The following RARB variants were observed in gnomAD, a reference collection of about 807,000 sequenced individuals.
The protein encoded by RARB is retinoic acid receptor beta, also known as HBV-activated protein.
Under a neutral mutation model 51.9 loss-of-function variants are expected in RARB, and 17 were observed. The ratio of observed to expected loss-of-function variants is 0.33; its 90% CI spans 0.22 to 0.49. RARB has a LOEUF of 0.49. Among genes scored for constraint, RARB ranks in the 20% least tolerant of loss-of-function variants. The pLI, the probability that RARB is intolerant of heterozygous loss-of-function variation, is 0.99. For synonymous variants in RARB, 215 were observed against 195.4 expected (o/e 1.10, Z -0.84); for missense variants, 369 against 550.8 (o/e 0.67, Z 3.30).
intron 4 of RARB, among the ~76,000 whole-genome samples, chr3:25,571,472 C>G (rs1345814520): frequency 1.3e-5 from 2 of 152,262 alleles, no homozygotes; most frequent in African/African-American, 2.4e-5. Context: ...AGGAGAAACA[C>G]TGGCATGTCT....
Position 25,501,097 on chromosome 3 carries a change from A to G in RARB, c.307-85A>G, listed in dbSNP as rs7623934. The G allele has an allele frequency of 6.5e-3, 9,464 of 1,450,442 alleles. 499 individuals carry two copies. In the African/African-American group the frequency reaches 0.12, roughly 18 times the overall value. 89.8% of individuals were successfully genotyped at this position (1,450,442 alleles called of 1,614,324 possible). ...ATCACTTCGTTACTCAAAAAGAGCAATTAATGCATTGATAAGGTTGGCTTT... is the reference window on the plus strand; with the variant it reads ...ATCACTTCGTTACTCAAAAAGAGCAGTTAATGCATTGATAAGGTTGGCTTT... On this transcript the variant is annotated intron_variant, in intron 2 of 7. Coordinates refer to ENST00000330688, the MANE Select transcript of RARB (RefSeq NM_000965.5).
chr3:25,166,132 C>A (rs1381674215), intron 4 of RARB, among the ~76,000 whole-genome samples: 1 of 152,014 alleles, frequency 6.6e-6, no homozygotes, highest in Non-Finnish European at 1.5e-5. Flanking sequence ...CCTTTATTCC[C>A]AAATTAAAAG....
At chr3:25,544,983 A>G (rs983711753) in intron 3 of RARB, among the ~76,000 whole-genome samples, 6 of 151,574 alleles carry the variant, frequency 4.0e-5, no homozygotes, top group African/African-American at 1.5e-4. Context: ...TTTTCTTGAG[A>G]CGGAGTCTCG....
At chr3:25,118,213 G>C (rs1363019016) in intron 3 of RARB, among the ~76,000 whole-genome samples, 2 of 152,230 alleles carry the variant, frequency 1.3e-5, no homozygotes, top group East Asian at 3.9e-4. Context: ...ACCCTCATCA[G>C]CTCTTTCCTA....
At chr3:24,985,750 C>T (rs989574074) in intron 2 of RARB, among the ~76,000 whole-genome samples, 1 of 152,198 alleles carries the variant, frequency 6.6e-6, no homozygotes, top group Non-Finnish European at 1.5e-5. Context: ...CAGTCCCACT[C>T]TTTTGTACTT....
intron 2 of RARB, among the ~76,000 whole-genome samples, chr3:24,957,934 A>G (rs1047489141): frequency 6.6e-6 from 1 of 152,248 alleles, no homozygotes; most frequent in African/African-American, 2.4e-5. Flanking sequence ...ATAGTAAAAT[A>G]CAACCAACAG....
chr3:25,337,269 T>G (rs935944751), intron 5 of RARB, among the ~76,000 whole-genome samples: 3 of 152,164 alleles, frequency 2.0e-5, no homozygotes, highest in African/African-American at 7.2e-5. Context: ...GGCAAAATAT[T>G]CCATGGATCA....
intron 5 of RARB, among the ~76,000 whole-genome samples, chr3:25,272,186 G>T (rs1404967842): frequency 6.6e-6 from 1 of 152,184 alleles, no homozygotes; most frequent in Non-Finnish European, 1.5e-5. Context: ...TTTAAAAACT[G>T]AATATGCTTC....
chr3:25,123,590 C>T lies in RARB; in HGVS notation c.-327-8571C>T, dbSNP rs180984008. On this transcript the variant is annotated intron_variant, in intron 3 of 11. Transcript: ENST00000383772. Reference sequence around the variant, plus strand: ...CCTTTTCTAATCATATAACCTAACACCTAATTGCTGGACTATCCTCATTCC... The same window carrying T: ...CCTTTTCTAATCATATAACCTAACATCTAATTGCTGGACTATCCTCATTCC... 4.3e-4 allele frequency among the ~76,000 whole-genome samples: 65 copies of T among 152,290 alleles called. 1 individual carries two copies. The highest frequency in any genetic ancestry group is 4.0e-3 in the Admixed American group (61 of 15,290).
chr3:25,375,532 T>C (rs1706434398), intron 5 of RARB, among the ~76,000 whole-genome samples: 1 of 152,210 alleles, frequency 6.6e-6, no homozygotes, highest in Non-Finnish European at 1.5e-5. Context: ...TTTGTTGGGA[T>C]TGAAGAAGTA....
chr3:25,128,351 A>G (rs1699893385), intron 3 of RARB, among the ~76,000 whole-genome samples: 1 of 151,428 alleles, frequency 6.6e-6, no homozygotes, highest in Admixed American at 6.6e-5. Context: ...AATCATGTAT[A>G]TAAAGTACCT....
Position 25,522,006 on chromosome 3 carries a change from C to A in RARB, c.448+20683C>A, listed in dbSNP as rs182521941. Among the ~76,000 whole-genome samples, 9 of 113,710 alleles carry A rather than the reference C, an allele frequency of 7.9e-5. No homozygotes were observed. The East Asian group carries it at 1.2e-3, about 15-fold the overall frequency. 74.6% of individuals were successfully genotyped at this position (113,710 alleles called of 152,430 possible). A position where few individuals can be genotyped will look rare whatever the true frequency, so the allele number is the denominator to read the frequency against. On this transcript the variant is annotated intron_variant, in intron 3 of 7. Coordinates refer to ENST00000330688, the MANE Select transcript of RARB (RefSeq NM_000965.5). ...TTGCTGCTTTTTTCTCATATGTCAC[C>A]TTTTTATATGGGGATCTCTGAACAT...
intron 3 of RARB, among the ~76,000 whole-genome samples, chr3:25,526,870 C>G (rs1372964685): frequency 6.6e-6 from 1 of 152,184 alleles, no homozygotes; most frequent in Non-Finnish European, 1.5e-5. Context: ...TAATGGAGTT[C>G]TGCTGGTGAA....
chr3:24,847,900 C>G (rs750037065), intron 1 of RARB, among the ~76,000 whole-genome samples: 2 of 152,176 alleles, frequency 1.3e-5, no homozygotes, highest in Non-Finnish European at 2.9e-5. Context: ...TGTGGAAAGA[C>G]CAGGGGTGCC....
intron 4 of RARB, among the ~76,000 whole-genome samples, chr3:25,574,559 G>A (rs547043542): frequency 2.0e-5 from 3 of 152,164 alleles, no homozygotes; most frequent in African/African-American, 7.2e-5. Flanking sequence ...TGTCTGCTCC[G>A]GGCCGCCTCT....
At chr3:25,492,593 C>A (rs1055622105) in intron 2 of RARB, among the ~76,000 whole-genome samples, 6 of 152,154 alleles carry the variant, frequency 3.9e-5, no homozygotes, top group Non-Finnish European at 8.8e-5. Context: ...GTCTCTGGGT[C>A]TAACAGAGGT....
intron 2 of RARB, among the ~76,000 whole-genome samples, chr3:24,942,145 G>A (rs561518822): frequency 2.6e-5 from 4 of 152,252 alleles, no homozygotes; most frequent in South Asian, 4.1e-4. Context: ...GCTATTATGC[G>A]GTAAAACTGG....
At chr3:25,243,319 G>T (rs556420670) in intron 5 of RARB, among the ~76,000 whole-genome samples, 6 of 152,226 alleles carry the variant, frequency 3.9e-5, no homozygotes, top group African/African-American at 1.2e-4. Context: ...TTGCCTGATT[G>T]CCCTGACCAG....
intron 2 of RARB, among the ~76,000 whole-genome samples, chr3:25,461,830 G>A (rs756885176): frequency 2.6e-5 from 4 of 152,124 alleles, no homozygotes; most frequent in African/African-American, 4.8e-5. Flanking sequence ...GGGAAGCAGC[G>A]GTTGCAGCCA....
Sources: gnomAD v4.1 joint callset for allele counts (sites outside exome capture counted in the v4.1 genomes callset) on GRCh38, gnomAD v4.1.1 for gene constraint, MANE v1.5 for transcripts, NCBI Gene and HGNC (gene_info 2026-07-23, HGNC 2026-07-21) for gene names.